NRXN3: variants seen among roughly 807,000 people sequenced by gnomAD.
NRXN3 encodes neurexin 3, also known as neurexin III.
A neutral mutation model predicts 137.6 loss-of-function variants in NRXN3; 32 were observed. That is an observed-to-expected ratio of 0.23 (90% CI 0.18 to 0.31). The LOEUF (loss-of-function observed/expected upper bound fraction) is 0.31. Ranked by LOEUF, NRXN3 falls within the 10% of genes least tolerant of loss-of-function variation. NRXN3 has a pLI of 1.00. For missense variants in NRXN3, 1,574 were observed against 2,062.5 expected (o/e 0.76, Z 4.59); for synonymous variants, 798 against 784.5 (o/e 1.02, Z -0.29).
chr14:78,832,517 G>A (rs1003280325), intron 10 of NRXN3, among the ~76,000 whole-genome samples: 8 of 151,962 alleles, frequency 5.3e-5, no homozygotes, highest in East Asian at 1.9e-4. Flanking sequence ...TCTTGCTGTC[G>A]GCTTTGGACA....
At chr14:78,358,568 G>A (rs1393067161) in intron 4 of NRXN3, among the ~76,000 whole-genome samples, 1 of 152,190 alleles carries the variant, frequency 6.6e-6, no homozygotes, top group Non-Finnish European at 1.5e-5. Flanking sequence ...AGATTCCTGG[G>A]GGGATGTCTC....
chr14:78,380,229 G>T (rs1442236580), intron 4 of NRXN3, among the ~76,000 whole-genome samples: 2 of 136,528 alleles, frequency 1.5e-5, no homozygotes, highest in African/African-American at 5.5e-5. Context: ...CAAAAGATGT[G>T]TTTACAGCTT....
At chr14:78,322,065 C>T (rs2153559707) in intron 4 of NRXN3, among the ~76,000 whole-genome samples, 1 of 152,136 alleles carries the variant, frequency 6.6e-6, no homozygotes, top group Non-Finnish European at 1.5e-5. Flanking sequence ...CCGCACTACC[C>T]TCAATCTGCA....
chr14:79,189,577 C>T (rs1404888668), intron 15 of NRXN3, among the ~76,000 whole-genome samples: 2 of 152,006 alleles, frequency 1.3e-5, no homozygotes, highest in African/African-American at 4.8e-5. Context: ...ATCTCTTCCT[C>T]CCTGCCCCTT....
At chr14:79,606,698 T>C (rs11851989) in intron 16 of NRXN3, among the ~76,000 whole-genome samples, 11,380 of 152,270 alleles carry the variant, frequency 0.075, 456 homozygotes, top group Middle Eastern at 0.14. Flanking sequence ...TTATTGAGCA[T>C]CTATTACGTG....
rs770786566 is a variant in NRXN3 at position 78,968,055 on chromosome 14, C to T, written c.2969-118C>T. On this transcript the variant is annotated intron_variant, in intron 13 of 20. Coordinates refer to ENST00000335750, the MANE Select transcript of NRXN3 (RefSeq NM_001330195.2). ...CTTATCTCATTTATGCTGTCCCCCC[C>T]CCCCCCCCCCAGCTATCTTATTCCT... 395 of 93,880 alleles carry T rather than the reference C, an allele frequency of 4.2e-3. 57 individuals carry two copies. Among genetic ancestry groups the T allele is most frequent in the South Asian group, 0.011 (25 of 2,270 alleles). 5.8% of individuals were successfully genotyped at this position (93,880 alleles called of 1,614,324 possible). A position where few individuals can be genotyped will look rare whatever the true frequency, so the allele number is the denominator to read the frequency against.
intron 15 of NRXN3, among the ~76,000 whole-genome samples, chr14:79,126,310 T>C (rs1286561337): frequency 6.6e-6 from 1 of 151,686 alleles, no homozygotes; most frequent in East Asian, 2.0e-4. Context: ...TATCTCCCAA[T>C]GCTATCCCTC....
intron 10 of NRXN3, among the ~76,000 whole-genome samples, chr14:78,879,711 C>T (rs2099123056): frequency 6.6e-6 from 1 of 152,182 alleles, no homozygotes; most frequent in Non-Finnish European, 1.5e-5. Flanking sequence ...ACCCTTTACA[C>T]CTCCTTGCAC....
intron 15 of NRXN3, among the ~76,000 whole-genome samples, chr14:79,293,700 C>T (rs970980257): frequency 1.3e-5 from 2 of 152,244 alleles, no homozygotes; most frequent in Non-Finnish European, 2.9e-5. Context: ...ATACTCCAAA[C>T]ACTCGCACTG....
chr14:79,163,080 C>T (rs1185794054), intron 15 of NRXN3, among the ~76,000 whole-genome samples: 1 of 151,882 alleles, frequency 6.6e-6, no homozygotes, highest in Admixed American at 6.6e-5. Flanking sequence ...TCTTTATGGG[C>T]TTCACTTTGG....
intron 4 of NRXN3, among the ~76,000 whole-genome samples, chr14:78,386,216 G>A (rs2089962248): frequency 6.6e-6 from 1 of 152,176 alleles, no homozygotes; most frequent in Non-Finnish European, 1.5e-5. Flanking sequence ...TTAATTGAGT[G>A]TTTTGCCTTA....
chr14:79,486,082 A>G (rs541220962), intron 16 of NRXN3, among the ~76,000 whole-genome samples: 1 of 152,252 alleles, frequency 6.6e-6, no homozygotes, highest in South Asian at 2.1e-4. Context: ...AAGAAACATC[A>G]TTAAACATTT....
chr14:79,082,840 T>G (rs962127706), intron 15 of NRXN3, among the ~76,000 whole-genome samples: 3 of 152,150 alleles, frequency 2.0e-5, no homozygotes, highest in Admixed American at 2.0e-4. Flanking sequence ...GAATTCAAAC[T>G]CAGATAATTA....
chr14:79,592,610 A>T (rs1466925802), intron 16 of NRXN3, among the ~76,000 whole-genome samples: 1 of 152,146 alleles, frequency 6.6e-6, no homozygotes, highest in Non-Finnish European at 1.5e-5. Flanking sequence ...TCAATTAACC[A>T]ATTAGTTACC....
At chr14:78,912,985 C>T (rs571646342) in intron 10 of NRXN3, among the ~76,000 whole-genome samples, 6 of 152,118 alleles carry the variant, frequency 3.9e-5, no homozygotes, top group African/African-American at 1.2e-4. Flanking sequence ...TATTCAGCCC[C>T]TACTATGCCC....
chr14:79,126,828 C>T (rs1275222806), intron 15 of NRXN3, among the ~76,000 whole-genome samples: 1 of 152,164 alleles, frequency 6.6e-6, no homozygotes, highest in Admixed American at 6.5e-5. Context: ...ACATCCTCTC[C>T]AGCACCTGTT....
At chr14:78,322,214 A>C (rs2079464560) in intron 4 of NRXN3, among the ~76,000 whole-genome samples, 1 of 152,016 alleles carries the variant, frequency 6.6e-6, no homozygotes, top group Non-Finnish European at 1.5e-5. Flanking sequence ...CTGAATCTTT[A>C]CAATCCTTTG....
intron 10 of NRXN3, among the ~76,000 whole-genome samples, chr14:78,815,662 ACT>A (rs1010150801): frequency 4.7e-5 from 7 of 148,918 alleles, no homozygotes; most frequent in African/African-American, 1.7e-4. Flanking sequence ...TCTTTCTTTT[ACT>A]CTGTCTTTCC....
At chr14:79,757,197 C>A (rs1258517244) in intron 19 of NRXN3, among the ~76,000 whole-genome samples, 1 of 152,156 alleles carries the variant, frequency 6.6e-6, no homozygotes, top group African/African-American at 2.4e-5. Context: ...TCTTCAGGGG[C>A]TCTCTCCTGC....
Sources: gnomAD v4.1 joint callset for allele counts (sites outside exome capture counted in the v4.1 genomes callset) on GRCh38, gnomAD v4.1.1 for gene constraint, MANE v1.5 for transcripts, NCBI Gene and HGNC (gene_info 2026-07-23, HGNC 2026-07-21) for gene names.